The following TJP3 variants were observed in gnomAD, a reference collection of about 807,000 sequenced individuals.
TJP3 encodes tight junction protein 3, also known as tight junction protein ZO-3.
TJP3 carries 85 observed loss-of-function variants against 104.2 expected under a neutral mutation model. The observed-to-expected ratio is 0.82, with a 90% CI of 0.68 to 0.98. The LOEUF (loss-of-function observed/expected upper bound fraction) is 0.98. Among genes scored for constraint, TJP3 ranks in the 50% least tolerant of loss-of-function variants. The pLI is 0.00. For synonymous variants in TJP3, 550 were observed against 550.6 expected, an observed-to-expected ratio of 1.00 and a Z score of 0.02; for missense variants, 1,367 against 1,322.8, an observed-to-expected ratio of 1.03 and a Z score of -0.52.
chr19:3,738,345 A>G (rs530190267), intron 11 of TJP3, among the ~76,000 whole-genome samples: 30 of 152,218 alleles, frequency 2.0e-4, no homozygotes, highest in African/African-American at 6.7e-4. Flanking sequence ...AAACTCTTGT[A>G]TCCTTACAAT....
chr19:3,750,489 A>C (rs1599168442), intron 20 of TJP3, 93 bp from the exon 21 acceptor site: 1 of 1,103,182 alleles, frequency 9.1e-7, no homozygotes, highest in Non-Finnish European at 1.3e-6. Flanking sequence ...CTCTGCCCAC[A>C]CCCACTGTGC....
chr19:3,748,304 C>A lies in TJP3; in HGVS notation c.2610+223C>A, dbSNP rs1352529504. Among the ~76,000 whole-genome samples the A allele has an allele frequency of 2.5e-4, 34 of 137,018 alleles. 1 individual carries two copies. The Admixed American group carries it at 2.7e-3, about 11-fold the overall frequency. 89.9% of individuals were successfully genotyped at this position (137,018 alleles called of 152,430 possible). A position where few individuals can be genotyped will look rare whatever the true frequency, so the allele number is the denominator to read the frequency against. ...TTTTTTTTTTTGAGACGCAGTCTTG[C>A]TCTGTCGCCTAGGCTGGAGTGCAAT... On this transcript the variant is annotated intron_variant, in intron 19 of 20. Coordinates refer to ENST00000541714, the MANE Select transcript of TJP3 (RefSeq NM_001267560.2).
Position 3,730,266 on chromosome 19 carries a change from C to T in TJP3, c.262-89C>T, listed in dbSNP as rs991904025. On this transcript the variant is annotated intron_variant, in intron 4 of 20. Transcript: ENST00000541714. The surrounding 1 kb of genome is among the most constrained non-coding windows in gnomAD (Gnocchi z 7.3). ...TTGGACATTGAGGCCCAGAGAGAGA[C>T]TGGTGTCCCCCAGGGCCACCCGGGG... is the stretch of plus-strand genomic sequence containing the variant. 6.8e-7 allele frequency: 1 copy of T among 1,480,936 alleles called. No individual in the cohort carries two copies. The highest frequency in any genetic ancestry group is 1.4e-5 in the African/African-American group (1 of 72,048). 91.7% of individuals were successfully genotyped at this position (1,480,936 alleles called of 1,614,324 possible).
intron 11 of TJP3, among the ~76,000 whole-genome samples, chr19:3,736,597 T>C (rs2036742739): frequency 6.6e-6 from 1 of 152,080 alleles, no homozygotes. Flanking sequence ...GTTTTTGAGA[T>C]GGAGTTTTGG....
At position 3,746,129 on chromosome 19, in the gene TJP3, G is replaced by A. The variant is rs371028970; in HGVS notation, c.2010+48G>A. On this transcript the variant is annotated intron_variant, in intron 16 of 20. Transcript: ENST00000541714. The surrounding 1 kb of genome is among the most constrained non-coding windows in gnomAD (Gnocchi z 4.1). ...TCCCATTTCATGGATGGGGGAAACC[G>A]AGGCCTGGGCATCCAACTGAATGTC... The A allele has an allele frequency of 6.4e-4, 981 of 1,541,226 alleles. 3 individuals carry two copies. Among genetic ancestry groups the A allele is most frequent in the Non-Finnish European group, 7.1e-4 (808 of 1,130,378 alleles).
intron 1 of TJP3, among the ~76,000 whole-genome samples, chr19:3,718,078 T>A (rs764150268): frequency 4.6e-5 from 7 of 150,882 alleles, no homozygotes; most frequent in Non-Finnish European, 1.0e-4. Context: ...GCCGGGCATG[T>A]GCCTGTAGTC....
At chr19:3,709,913 G>A (rs886561279) in intron 1 of TJP3, among the ~76,000 whole-genome samples, 20 of 152,058 alleles carry the variant, frequency 1.3e-4, no homozygotes, top group African/African-American at 4.8e-4. Flanking sequence ...ACTTTGGGAG[G>A]TCGAGGCGAG....
chr19:3,733,382 G>A (rs2036697253), intron 6 of TJP3, among the ~76,000 whole-genome samples: 1 of 152,132 alleles, frequency 6.6e-6, no homozygotes. Flanking sequence ...TGTGTTTCTA[G>A]TATCTTTTAA....
chr19:3,709,310 G>A (rs185912421), intron 1 of TJP3, among the ~76,000 whole-genome samples: 126 of 152,212 alleles, frequency 8.3e-4, no homozygotes, highest in Non-Finnish European at 1.5e-3. Context: ...TGGCCAGGCT[G>A]GTCTCGAACT....
At chr19:3,748,890 G>A (rs142665913) in intron 19 of TJP3, among the ~76,000 whole-genome samples, 1,350 of 103,830 alleles carry the variant, frequency 0.013, 26 homozygotes, top group African/African-American at 0.048. Flanking sequence ...TTAGAGTCTC[G>A]CTCTGTCACC....
At chr19:3,737,167 A>G (rs1255623186) in intron 11 of TJP3, among the ~76,000 whole-genome samples, 1 of 152,086 alleles carries the variant, frequency 6.6e-6, no homozygotes, top group Non-Finnish European at 1.5e-5. Context: ...AGCTTGAGAC[A>G]CTGTGCTCAA....
chr19:3,731,925 C>G lies in TJP3; in HGVS notation c.614-10C>G, dbSNP rs765115736. 7.5e-6 allele frequency: 12 copies of G among 1,610,172 alleles called. No individual in the cohort carries two copies. In the Admixed American group the frequency reaches 1.3e-4, roughly 18 times the overall value. On this transcript the variant is annotated splice_polypyrimidine_tract_variant and intron_variant, in intron 5 of 20. Coordinates refer to ENST00000541714, the MANE Select transcript of TJP3 (RefSeq NM_001267560.2). ...AGTCCTGCCTCAGTTTCCCTCCTCC[C>G]CCCTTACAGAGTTTGGCGTCAAGCT...
chr19:3,738,142 T>C (rs1050711517), intron 11 of TJP3, among the ~76,000 whole-genome samples: 4 of 152,178 alleles, frequency 2.6e-5, no homozygotes, highest in Admixed American at 1.3e-4. Context: ...TGTGACCCAC[T>C]GTGTGTCCAT....
intron 1 of TJP3, among the ~76,000 whole-genome samples, chr19:3,719,667 C>T (rs980844440): frequency 3.0e-5 from 4 of 135,402 alleles, no homozygotes; most frequent in Non-Finnish European, 4.6e-5. Flanking sequence ...ACCCGGGAGG[C>T]GGAGCTTGCA....
intron 1 of TJP3, among the ~76,000 whole-genome samples, chr19:3,716,801 A>ATATTTTTTTT (rs1421328174): frequency 1.2e-5 from 1 of 81,972 alleles, no homozygotes; most frequent in African/African-American, 4.9e-5. Flanking sequence ...ATATATATAT[A>ATATTTTTTTT]TTTTTTTTTT....
Position 3,732,058 on chromosome 19 carries a change from C to T in TJP3, c.717+20C>T, listed in dbSNP as rs1374750998. ...CTACAGGTGAGGCCGGGCTTCTTGT[C>T]CTGAGAGCAGGGAGACAAGGCAGGG... On this transcript the variant is annotated intron_variant, in intron 6 of 20. Transcript: ENST00000541714. 1 of 1,603,806 alleles carries T rather than the reference C, an allele frequency of 6.2e-7. No individual in the cohort carries two copies. The highest frequency in any genetic ancestry group is 8.5e-7 in the Non-Finnish European group (1 of 1,175,218).
Position 3,750,622 on chromosome 19 carries a change from G to A in TJP3, c.2698G>A (p.Val900Ile), listed in dbSNP as rs770872894. The change falls in exon 21 of 21, where the codon GTA (valine) becomes ATA (isoleucine). Residue 900 changes from valine to isoleucine, a missense_variant. By Grantham distance (29) the Val-to-Ile change is conservative. Coordinates refer to ENST00000541714, the MANE Select transcript of TJP3 (RefSeq NM_001267560.2). ...REALKKKFMRVHDAESSDEDG... is the reference protein window; with the variant it reads ...REALKKKFMRIHDAESSDEDG... ...AGCCCTGAAGAAAAAGTTTATGCGA[G>A]TACATGATGCGGAGTCCTCCGATGA... 2.5e-6 allele frequency: 4 copies of A among 1,609,642 alleles called. No homozygotes were observed. Among genetic ancestry groups the A allele is most frequent in the Non-Finnish European group, 3.4e-6 (4 of 1,178,180 alleles).
At chr19:3,723,812 TA>T (rs1467129354) in intron 1 of TJP3, among the ~76,000 whole-genome samples, 4 of 86,540 alleles carry the variant, frequency 4.6e-5, no homozygotes, top group Non-Finnish European at 1.0e-4. Flanking sequence ...AAAAAAAATA[TA>T]TATATATATA....
In TJP3 at chr19:3,748,067, C is replaced by T; in HGVS notation, c.2596C>T (p.His866Tyr). Residue 866 changes from histidine (H) to tyrosine (Y), a missense_variant, in exon 19 of 21, where the codon CAT becomes TAT. His to Tyr is a moderately conservative substitution (Grantham distance 83, BLOSUM62 2). Transcript: ENST00000541714. ...GAGGGATCGTGGGAGAATCTCGGCT[C>T]ATCAGGGGGCCCAGGTGCGTCGGAC... The part of the protein sequence containing the change: ...SPRDRGRISA[H>Y]QGAQVDSRHP... The T allele has an allele frequency of 6.4e-7, 1 of 1,571,498 alleles. No homozygotes were observed. The highest frequency in any genetic ancestry group is 1.2e-5 in the South Asian group (1 of 86,484).
Sources: gnomAD v4.1 joint callset for allele counts (sites outside exome capture counted in the v4.1 genomes callset) on GRCh38, gnomAD v4.1.1 for gene constraint, Gnocchi (gnomAD v3.1) non-coding constraint, MANE v1.5 for transcripts, NCBI Gene and HGNC (gene_info 2026-07-23, HGNC 2026-07-21) for gene names.